KIAA1217: variants seen among roughly 807,000 people sequenced by gnomAD.
The protein encoded by KIAA1217 is sickle tail protein homolog.
Under a neutral mutation model 163.9 loss-of-function variants are expected in KIAA1217, and 88 were observed. The observed-to-expected ratio is 0.54, with a 90% confidence interval of 0.45 to 0.64. The LOEUF is 0.64. KIAA1217 is among the 30% of genes least tolerant of loss of function. KIAA1217 has a pLI of 0.00. For missense variants in KIAA1217, 2,372 were observed against 2,475.0 expected, an observed-to-expected ratio of 0.96 and a Z score of 0.88; for synonymous variants, 903 against 923.1, an observed-to-expected ratio of 0.98 and a Z score of 0.39.
At chr10:24,042,923 C>G (rs1172962828) in intron 2 of KIAA1217, among the ~76,000 whole-genome samples, 1 of 152,092 alleles carries the variant, frequency 6.6e-6, no homozygotes, top group Non-Finnish European at 1.5e-5. Flanking sequence ...TGTTTAGTCT[C>G]TTTTAAAAAT....
chr10:23,923,000 A>C (rs928203009), intron 1 of KIAA1217, among the ~76,000 whole-genome samples: 5 of 152,136 alleles, frequency 3.3e-5, no homozygotes, highest in African/African-American at 7.2e-5. Context: ...TTACATGGAT[A>C]AGTTCTTTAG....
rs902551940 is a variant in KIAA1217, at chr10:24,547,595, G to A, written c.*1271G>A. 6.6e-6 allele frequency: 1 copy of A among 152,194 alleles called. No individual in the cohort carries two copies. Among genetic ancestry groups the A allele is most frequent in the African/African-American group, 2.4e-5 (1 of 41,450 alleles). The allele number at this position is 152,194 out of a possible 1,614,324, so 9.4% of individuals were successfully genotyped here. On this transcript the variant is annotated 3_prime_UTR_variant, in exon 21 of 21. Transcript: ENST00000376454. ...TGAGGGATGTAACCACATCCACTCAGAGGACACTACTTTTCTGAAAGCTCT... is the reference window on the plus strand; with the variant it reads ...TGAGGGATGTAACCACATCCACTCAAAGGACACTACTTTTCTGAAAGCTCT...
intron 1 of KIAA1217, among the ~76,000 whole-genome samples, chr10:23,817,723 C>T (rs948620761): frequency 6.6e-6 from 1 of 151,788 alleles, no homozygotes; most frequent in Non-Finnish European, 1.5e-5. Context: ...TACGGTGTTA[C>T]AGAAATAGTA....
chr10:23,866,324 G>A (rs1304415515), intron 1 of KIAA1217, among the ~76,000 whole-genome samples: 1 of 152,072 alleles, frequency 6.6e-6, no homozygotes, highest in African/African-American at 2.4e-5. Flanking sequence ...GAACTCCTCT[G>A]TTATGTCTAG....
At chr10:23,990,216 T>C (rs1416538611) in intron 1 of KIAA1217, among the ~76,000 whole-genome samples, 1 of 152,192 alleles carries the variant, frequency 6.6e-6, no homozygotes, top group Non-Finnish European at 1.5e-5. Flanking sequence ...TGATTAAATG[T>C]ATTCTCTTCT....
intron 14 of KIAA1217, among the ~76,000 whole-genome samples, chr10:24,531,137 T>C (rs2135032701): frequency 6.6e-6 from 1 of 152,294 alleles, no homozygotes; most frequent in South Asian, 2.1e-4. Context: ...CCCCGGAGGC[T>C]GAGGCCTCAG....
chr10:24,164,454 G>A (rs1413013164), intron 2 of KIAA1217, among the ~76,000 whole-genome samples: 1 of 152,172 alleles, frequency 6.6e-6, no homozygotes, highest in Non-Finnish European at 1.5e-5. Flanking sequence ...CCAATAGAGT[G>A]TAAGCTGTCT....
Position 24,100,035 on chromosome 10 carries a change from C to T in KIAA1217, c.-171+92661C>T, listed in dbSNP as rs372900526. Reference sequence around the variant, plus strand: ...GGTGGCTGCAGTTGCATTACTGGGACAGCCCTTTTCTTTTATTTGTCCTCC... The same window carrying T: ...GGTGGCTGCAGTTGCATTACTGGGATAGCCCTTTTCTTTTATTTGTCCTCC... On this transcript the variant is annotated intron_variant, in intron 2 of 18. Transcript: ENST00000376462. 6.3e-4 allele frequency among the ~76,000 whole-genome samples: 96 copies of T among 152,064 alleles called. 1 individual carries two copies. Among genetic ancestry groups the T allele is most frequent in the African/African-American group, 2.2e-3 (91 of 41,464 alleles).
intron 1 of KIAA1217, among the ~76,000 whole-genome samples, chr10:23,956,427 G>A (rs1844561095): frequency 6.6e-6 from 1 of 151,858 alleles, no homozygotes; most frequent in Admixed American, 6.6e-5. Context: ...CATAATTGAA[G>A]ACATATCCTG....
At chr10:24,466,470 A>C (rs2062954638) in intron 5 of KIAA1217, 9 of 963,402 alleles carry the variant, frequency 9.3e-6, no homozygotes, top group Non-Finnish European at 1.1e-5. Flanking sequence ...GAGGTTATTC[A>C]GTGACTAATT....
intron 2 of KIAA1217, among the ~76,000 whole-genome samples, chr10:24,164,916 C>G (rs1187817972): frequency 1.3e-5 from 2 of 152,160 alleles, no homozygotes; most frequent in African/African-American, 4.8e-5. Context: ...CCCCTGGAGA[C>G]AGGAAGGGTG....
At chr10:24,096,771 G>A (rs1395303223) in intron 2 of KIAA1217, among the ~76,000 whole-genome samples, 1 of 152,106 alleles carries the variant, frequency 6.6e-6, no homozygotes, top group Admixed American at 6.6e-5. Flanking sequence ...TGACTCCAGA[G>A]ACTAGATTTG....
chr10:24,137,696 A>C (rs1027513785), intron 2 of KIAA1217, among the ~76,000 whole-genome samples: 1 of 152,204 alleles, frequency 6.6e-6, no homozygotes, highest in Non-Finnish European at 1.5e-5. Flanking sequence ...GAAAACAATA[A>C]AGACACTGCG....
At chr10:24,332,853 T>C (rs2045862961) in intron 2 of KIAA1217, among the ~76,000 whole-genome samples, 2 of 152,038 alleles carry the variant, frequency 1.3e-5, no homozygotes, top group Admixed American at 6.6e-5. Context: ...ACCTGCAAGA[T>C]GGCAGGAAAC....
At chr10:24,241,762 T>C (rs1438492014) in intron 2 of KIAA1217, among the ~76,000 whole-genome samples, 1 of 152,246 alleles carries the variant, frequency 6.6e-6, no homozygotes. Context: ...TGTTTTTCAT[T>C]GTGCTATTTT....
At chr10:24,260,639 G>C (rs1005496113) in intron 2 of KIAA1217, among the ~76,000 whole-genome samples, 3 of 150,776 alleles carry the variant, frequency 2.0e-5, no homozygotes, top group African/African-American at 7.3e-5. Flanking sequence ...CAGCTCCTTG[G>C]GAAGCTGAGG....
chr10:24,059,503 C>T (rs2060640246), intron 2 of KIAA1217, among the ~76,000 whole-genome samples: 1 of 152,048 alleles, frequency 6.6e-6, no homozygotes, highest in Non-Finnish European at 1.5e-5. Context: ...ACCATCTGGT[C>T]CTGAGCTTTT....
At chr10:23,834,090 C>T (rs7913708) in intron 1 of KIAA1217, among the ~76,000 whole-genome samples, 47,509 of 151,940 alleles carry the variant, frequency 0.31, 9,506 homozygotes, top group African/African-American at 0.57. Context: ...GCTGTCTTTG[C>T]TAGGATTAGT....
chr10:24,204,164 T>C (rs1254923990), upstream of KIAA1217, among the ~76,000 whole-genome samples: 2 of 152,150 alleles, frequency 1.3e-5, no homozygotes, highest in Admixed American at 6.5e-5. Flanking sequence ...AGACATTTCA[T>C]AGGGAGATTT....
Sources: allele counts gnomAD v4.1 joint callset (sites outside exome capture counted in the v4.1 genomes callset), GRCh38; gene constraint gnomAD v4.1.1; transcripts MANE v1.5; gene names NCBI Gene and HGNC (gene_info 2026-07-23, HGNC 2026-07-21).